ACSBG2: variants seen among roughly 807,000 people sequenced by gnomAD.
ACSBG2 encodes acyl-CoA synthetase bubblegum family member 2, also known as long-chain-fatty-acid--CoA ligase ACSBG2.
ACSBG2 carries 62 observed loss-of-function variants against 74.7 expected under a neutral mutation model. That is an observed-to-expected ratio of 0.83 (90% CI 0.68 to 1.03). ACSBG2 has a LOEUF of 1.03. Ranked by LOEUF, ACSBG2 falls within the 50% of genes least tolerant of loss-of-function variation. The probability of loss-of-function intolerance (pLI) is 0.00; values close to 1 mark genes in which losing one functional copy is unlikely to be tolerated. For missense variants in ACSBG2, 730 were observed against 817.6 expected, an observed-to-expected ratio of 0.89 and a Z score of 1.31; for synonymous variants, 309 against 294.1, an observed-to-expected ratio of 1.05 and a Z score of -0.52.
Position 6,161,236 on chromosome 19 carries a change from C to T in ACSBG2, c.529C>T (p.Pro177Ser). The change falls in exon 6 of 15, where the codon CCC becomes TCC. Residue 177 changes from proline to serine, a missense_variant. Transcript: ENST00000588485. Reference sequence around the variant, plus strand: ...TCAGATTCCACAGAGCAGCCTAGAGCCCCTAAAAGCGATCATCCAGTACAG... The same window carrying T: ...TCAGATTCCACAGAGCAGCCTAGAGTCCCTAAAAGCGATCATCCAGTACAG... ...ILSIPQSSLE[P>S]LKAIIQYRLP... is the part of the protein sequence containing the mutation. 5.0e-6 allele frequency: 8 copies of T among 1,613,666 alleles called. No individual in the cohort carries two copies. The highest frequency in any genetic ancestry group is 6.8e-6 in the Non-Finnish European group (8 of 1,179,668).
At chr19:6,138,602 G>GAGGAAGGAAGGA (rs112561156) in intron 1 of ACSBG2, among the ~76,000 whole-genome samples, 1 of 96,206 alleles carries the variant, frequency 1.0e-5, no homozygotes, top group South Asian at 4.1e-4. Flanking sequence ...AAGAGAGAGG[G>GAGGAAGGAAGGA]AGGAAGGAAG....
intron 8 of ACSBG2, among the ~76,000 whole-genome samples, 168 bp from the exon 9 acceptor site, chr19:6,182,583 C>A (rs1172484762): frequency 6.6e-6 from 1 of 152,154 alleles, no homozygotes; most frequent in Non-Finnish European, 1.5e-5. Context: ...GTGCAAAAAT[C>A]TGACTGGCCA....
chr19:6,173,296 A>G (rs765779782), intron 7 of ACSBG2, among the ~76,000 whole-genome samples: 16 of 152,102 alleles, frequency 1.1e-4, no homozygotes, highest in Non-Finnish European at 1.9e-4. Context: ...AGGGCAGAGA[A>G]TCCCCAGGCA....
chr19:6,139,650 A>G (rs1407009928), intron 1 of ACSBG2, among the ~76,000 whole-genome samples: 1 of 152,100 alleles, frequency 6.6e-6, no homozygotes, highest in East Asian at 1.9e-4. Context: ...AAATCGTACA[A>G]TTTTCCTCCC....
chr19:6,147,470 G>A lies in ACSBG2; in HGVS notation c.92G>A (p.Cys31Tyr), dbSNP rs758076555. The A allele has an allele frequency of 6.2e-7, 1 of 1,614,192 alleles. No individual in the cohort carries two copies. The highest frequency in any genetic ancestry group is 2.2e-5 in the East Asian group (1 of 44,884). ...GTTACTCCCAGGCTGTGGACCACCT[G>A]TCGAGATGGAGAAGTCCTTCTGAGG... ...TEVTPRLWTT[C>Y]RDGEVLLRLS... is the part of the protein sequence containing the mutation. The change falls in exon 3 of 15, where the codon TGT becomes TAT. Residue 31 changes from cysteine (C) to tyrosine (Y), a missense_variant. Cys to Tyr is a radical substitution (Grantham distance 194, BLOSUM62 -2). Transcript: ENST00000588485.
rs1397461545 is a variant in ACSBG2, at chr19:6,135,842, G to A, written c.-99G>A. Reference sequence around the variant, plus strand: ...TTTGCAGGAAGAAGAAAACACCTGAGTGACCAGATGTCCCAGCTCCAGGTG... The same window carrying A: ...TTTGCAGGAAGAAGAAAACACCTGAATGACCAGATGTCCCAGCTCCAGGTG... On this transcript the variant is annotated 5_prime_UTR_variant, in exon 1 of 15. It adds an upstream start codon to the 5' untranslated region. Transcript: ENST00000588485. 2 of 152,420 alleles carry A rather than the reference G, an allele frequency of 1.3e-5. No homozygotes were observed. Among genetic ancestry groups the A allele is most frequent in the Non-Finnish European group, 1.5e-5 (1 of 68,212 alleles). 9.4% of individuals were successfully genotyped at this position (152,420 alleles called of 1,614,324 possible). A position where few individuals can be genotyped will look rare whatever the true frequency, so the allele number is the denominator to read the frequency against.
chr19:6,181,809 A>ACCCCCCCCCCC (rs1487682988), intron 8 of ACSBG2, among the ~76,000 whole-genome samples: 2 of 28,350 alleles, frequency 7.1e-5, no homozygotes, highest in African/African-American at 1.3e-4. Context: ...AATAGTCCCC[A>ACCCCCCCCCCC]CCCGCCCCCC....
At chr19:6,145,894 G>T (rs887671362) in intron 2 of ACSBG2, among the ~76,000 whole-genome samples, 1 of 152,146 alleles carries the variant, frequency 6.6e-6, no homozygotes, top group Non-Finnish European at 1.5e-5. Context: ...CATTGGGGGA[G>T]AGGGGCTACT....
chr19:6,187,580 CAG>C lies in ACSBG2; in HGVS notation c.1681-16_1681-15del, dbSNP rs1381774283. 1 of 1,613,582 alleles carries C rather than the reference CAG, an allele frequency of 6.2e-7. No homozygotes were observed. The highest frequency in any genetic ancestry group is 8.5e-7 in the Non-Finnish European group (1 of 1,179,828). On this transcript the variant is annotated splice_polypyrimidine_tract_variant and intron_variant, in intron 12 of 14. Coordinates refer to ENST00000588485, the MANE Select transcript of ACSBG2 (RefSeq NM_030924.5). ...GCTGGTCAAGGAGCATGGGTGGTGA[CAG>C]AGGTGTCTGGGGGCAGTGTGAGATG... is the stretch of plus-strand genomic sequence containing the variant.
intron 7 of ACSBG2, chr19:6,176,374 A>G: frequency 6.6e-7 from 1 of 1,515,668 alleles, no homozygotes; most frequent in Non-Finnish European, 8.8e-7. Flanking sequence ...AGTGGGAGGT[A>G]GCTGACCACC....
rs75011433 is a variant in ACSBG2, at chr19:6,146,196, G to A, written c.68-1250G>A. ...ATCAAAAAATCAGATGGAGCCAGGCGCGGTGGCTCATGCCTGTAATCCCGG... is the reference window on the plus strand; with the variant it reads ...ATCAAAAAATCAGATGGAGCCAGGCACGGTGGCTCATGCCTGTAATCCCGG... On this transcript the variant is annotated intron_variant, in intron 2 of 14. Coordinates refer to ENST00000588485, the MANE Select transcript of ACSBG2 (RefSeq NM_030924.5). 7.1e-3 allele frequency among the ~76,000 whole-genome samples: 1,077 copies of A among 152,342 alleles called. 18 individuals carry two copies. The highest frequency in any genetic ancestry group is 0.024 in the African/African-American group (1,004 of 41,574).
chr19:6,136,400 A>G (rs7507495), intron 1 of ACSBG2, among the ~76,000 whole-genome samples: 4,960 of 149,318 alleles, frequency 0.033, 241 homozygotes, highest in African/African-American at 0.11. Flanking sequence ...CCTAATTTTT[A>G]TATTTTTAGT....
intron 1 of ACSBG2, among the ~76,000 whole-genome samples, chr19:6,136,185 A>C (rs2088557951): frequency 6.7e-6 from 1 of 150,256 alleles, no homozygotes; most frequent in Admixed American, 6.7e-5. Context: ...TTCGCCTCCC[A>C]GGTTCACACC....
chr19:6,173,240 G>A (rs556405786), intron 7 of ACSBG2, among the ~76,000 whole-genome samples: 49 of 152,254 alleles, frequency 3.2e-4, no homozygotes, highest in African/African-American at 1.0e-3. Context: ...AAGTCACAGC[G>A]CGTTGTGGGG....
chr19:6,155,509 G>A (rs2089387194), intron 4 of ACSBG2, among the ~76,000 whole-genome samples: 1 of 152,160 alleles, frequency 6.6e-6, no homozygotes. Context: ...ATGAACAGTT[G>A]TCGAACATGG....
chr19:6,136,728 C>T (rs1355172827), intron 1 of ACSBG2, among the ~76,000 whole-genome samples: 1 of 152,206 alleles, frequency 6.6e-6, no homozygotes, highest in South Asian at 2.1e-4. Context: ...CATATCTGTA[C>T]GATTTAATGA....
chr19:6,178,309 C>T (rs766759288), intron 8 of ACSBG2, among the ~76,000 whole-genome samples: 7 of 152,020 alleles, frequency 4.6e-5, no homozygotes, highest in Non-Finnish European at 8.8e-5. Flanking sequence ...GCATACATGT[C>T]CAGTTGCTCC....
chr19:6,150,424 C>T (rs1341452069), intron 3 of ACSBG2, among the ~76,000 whole-genome samples: 10 of 150,672 alleles, frequency 6.6e-5, no homozygotes, highest in Admixed American at 6.6e-4. Flanking sequence ...TCACAAGAGA[C>T]AGAGGGTGGA....
At chr19:6,176,283 G>A in intron 7 of ACSBG2, 1 of 1,358,830 alleles carries the variant, frequency 7.4e-7, no homozygotes, top group Non-Finnish European at 9.5e-7. Flanking sequence ...TACCTTGAGA[G>A]CATCTGCTTG....
Sources: gnomAD v4.1 joint callset for allele counts (sites outside exome capture counted in the v4.1 genomes callset) on GRCh38, gnomAD v4.1.1 for gene constraint, MANE v1.5 for transcripts, NCBI Gene and HGNC (gene_info 2026-07-23, HGNC 2026-07-21) for gene names.